The following RABL6 variants were observed in gnomAD, a reference collection of about 807,000 sequenced individuals.
The protein encoded by RABL6 is rab-like protein 6.
A neutral mutation model predicts 72.9 loss-of-function variants in RABL6; 28 were observed. The ratio of observed to expected loss-of-function variants is 0.38; its 90% CI spans 0.28 to 0.53. The LOEUF (loss-of-function observed/expected upper bound fraction) is 0.53. Ranked by LOEUF, RABL6 falls within the 20% of genes least tolerant of loss-of-function variation. The pLI is 0.80. For missense variants in RABL6, 1,029 were observed against 1,008.4 expected (o/e 1.02, Z -0.28); for synonymous variants, 477 against 421.2 (o/e 1.13, Z -1.62).
chr9:136,809,096 T>C (rs1371969759), intron 1 of RABL6: 1 of 152,324 alleles, frequency 6.6e-6, no homozygotes, highest in Non-Finnish European at 1.5e-5. Context: ...GTTTTGACAT[T>C]GCTTCCCTCT....
chr9:136,840,215 ACTGGCTACTCCCCTTC>A lies in RABL6; in HGVS notation c.1989+9_1989+24del. 6.2e-7 allele frequency: 1 copy of A among 1,612,836 alleles called. No individual in the cohort carries two copies. Among genetic ancestry groups the A allele is most frequent in the Non-Finnish European group, 8.5e-7 (1 of 1,179,836 alleles). ...AGAAGAAGAAAAAAGGCAAAGAGGTACTGGCTACTCCCCTTCCTGGCAGGCCAGGACTGGGTGGCAT... is the reference window on the plus strand; with the variant it reads ...AGAAGAAGAAAAAAGGCAAAGAGGTACTGGCAGGCCAGGACTGGGTGGCAT... On this transcript the variant is annotated splice_donor_5th_base_variant and intron_variant, in intron 14 of 14. Coordinates refer to ENST00000311502, the MANE Select transcript of RABL6 (RefSeq NM_024718.5).
At chr9:136,828,739 A>G (rs1848410226) in intron 4 of RABL6, among the ~76,000 whole-genome samples, 193 bp downstream of exon 4, 1 of 151,754 alleles carries the variant, frequency 6.6e-6, no homozygotes, top group African/African-American at 2.4e-5. Context: ...GCTCACCTGC[A>G]CTCGACAGAC....
intron 8 of RABL6, chr9:136,837,065 C>T (rs745615358): frequency 7.8e-5 from 44 of 563,544 alleles, no homozygotes; most frequent in African/African-American, 1.1e-4. Flanking sequence ...TTAGTAGAGA[C>T]GGGGTTTCAC....
At chr9:136,834,321 A>T in intron 7 of RABL6, 1 of 1,015,554 alleles carries the variant, frequency 9.8e-7, no homozygotes, top group Non-Finnish European at 1.2e-6. Context: ...AAATTGAAAA[A>T]ATAAAATTCC....
Position 136,808,150 on chromosome 9 carries a change from C to G in RABL6, c.-47C>G, listed in dbSNP as rs1847907614. On this transcript the variant is annotated 5_prime_UTR_variant, in exon 1 of 15. Coordinates refer to ENST00000311502, the MANE Select transcript of RABL6 (RefSeq NM_024718.5). ...GCCAGTCGCACCCCTTCCCCGCCGC[C>G]GCTGAGCTCGCCGGCCGCGCCCGGG... 5 of 1,468,542 alleles carry G rather than the reference C, an allele frequency of 3.4e-6. No homozygotes were observed. The East Asian group carries it at 1.6e-4, about 46-fold the overall frequency. 91.0% of individuals were successfully genotyped at this position (1,468,542 alleles called of 1,614,324 possible).
intron 13 of RABL6, 139 bp from the exon 14 acceptor site, chr9:136,840,015 G>A: frequency 1.4e-6 from 2 of 1,478,026 alleles, no homozygotes; most frequent in Non-Finnish European, 9.3e-7. Flanking sequence ...GCTGATGTTT[G>A]CAGTGTGGTC....
At chr9:136,816,355 T>G (rs1484998197) in intron 1 of RABL6, among the ~76,000 whole-genome samples, 1 of 151,724 alleles carries the variant, frequency 6.6e-6, no homozygotes, top group Non-Finnish European at 1.5e-5. Context: ...TCCATCTGCC[T>G]TGGCCTCCCA....
At chr9:136,813,501 C>T (rs1201269851) in intron 1 of RABL6, 13 of 453,346 alleles carry the variant, frequency 2.9e-5, no homozygotes, top group Non-Finnish European at 4.8e-5. Flanking sequence ...CATCTCTGTT[C>T]CCTGCGTTTC....
At chr9:136,821,558 T>G (rs1041362922) in intron 1 of RABL6, 10 of 984,980 alleles carry the variant, frequency 1.0e-5, no homozygotes, top group African/African-American at 8.8e-5. Context: ...GCTGCTCATC[T>G]GGGGGGGACG....
intron 7 of RABL6, chr9:136,833,737 C>T (rs1323583599): frequency 6.4e-7 from 1 of 1,550,434 alleles, no homozygotes; most frequent in East Asian, 2.4e-5. Flanking sequence ...TCAGGCTTGC[C>T]CAGGAAAGGG....
intron 5 of RABL6, 145 bp downstream of exon 5, chr9:136,829,629 C>A: frequency 1.3e-6 from 1 of 759,596 alleles, no homozygotes; most frequent in Non-Finnish European, 2.2e-6. Flanking sequence ...GGCAGCTCAG[C>A]CACAAGGGGC....
At chr9:136,812,254 C>T (rs1001757360) in intron 1 of RABL6, among the ~76,000 whole-genome samples, 4 of 151,972 alleles carry the variant, frequency 2.6e-5, no homozygotes, top group African/African-American at 9.7e-5. Context: ...GACACTGGTG[C>T]GAATTTAGAA....
Position 136,832,534 on chromosome 9 carries a change from C to G in RABL6, c.705+164C>G, listed in dbSNP as rs903522627. 1.1e-4 allele frequency: 78 copies of G among 726,470 alleles called. No individual in the cohort carries two copies. The East Asian group carries it at 2.1e-3, about 19-fold the overall frequency. 45.0% of individuals were successfully genotyped at this position (726,470 alleles called of 1,614,324 possible). On this transcript the variant is annotated intron_variant, in intron 7 of 14. Coordinates refer to ENST00000311502, the MANE Select transcript of RABL6 (RefSeq NM_024718.5). ...CAGCGTTCTACTGCACCTGCCTGCT[C>G]TGGGTGGCAGAGGGTACAGGGTCCT...
intron 1 of RABL6, among the ~76,000 whole-genome samples, chr9:136,816,724 A>AG (rs1212586246): frequency 0.038 from 4,298 of 113,020 alleles, 88 homozygotes; most frequent in East Asian, 0.12. Flanking sequence ...CTCAAAAAAA[A>AG]GGGGGGGGGG....
At chr9:136,813,177 C>A in intron 1 of RABL6, 1 of 483,778 alleles carries the variant, frequency 2.1e-6, no homozygotes, top group African/African-American at 2.0e-5. Context: ...CTCCTGGCAT[C>A]AGGTGGTCCT....
rs1588340167 is a variant in RABL6, at chr9:136,808,131, C to A, written c.-66C>A. 13 of 1,441,074 alleles carry A rather than the reference C, an allele frequency of 9.0e-6. No individual in the cohort carries two copies. In the East Asian group the frequency reaches 2.0e-4, roughly 22 times the overall value. The allele number at this position is 1,441,074 out of a possible 1,614,324, so 89.3% of individuals were successfully genotyped here. ...GGGGCCGCCGGGACATGGTGCCAGT[C>A]GCACCCCTTCCCCGCCGCCGCTGAG... On this transcript the variant is annotated 5_prime_UTR_variant, in exon 1 of 15. Transcript: ENST00000311502.
At chr9:136,833,804 T>C in intron 7 of RABL6, 1 of 1,550,538 alleles carries the variant, frequency 6.4e-7, no homozygotes, top group Non-Finnish European at 8.7e-7. Context: ...CTGGGACTGC[T>C]GCTGGGGACG....
chr9:136,819,371 A>G (rs531491028), intron 1 of RABL6, among the ~76,000 whole-genome samples: 1 of 152,228 alleles, frequency 6.6e-6, no homozygotes, highest in South Asian at 2.1e-4. Context: ...GCTTTAATCA[A>G]AGGCATAGAA....
In RABL6 at chr9:136,840,420, G is replaced by A. The variant is rs774786122; in HGVS notation, c.2088G>A (p.Pro696=). 2.1e-5 allele frequency: 33 copies of A among 1,549,842 alleles called. 1 individual carries two copies. Among genetic ancestry groups the A allele is most frequent in the Middle Eastern group, 3.4e-4 (2 of 5,964 alleles). ...GGCGACGGCGGCAGCAGCGGCCCCC[G>A]CGCAGCAGGGAGAGGACGGCTGCCG... ...EERRRRQQRP[P]RSRERTAADE... The change falls in exon 15 of 15, where the codon CCG becomes CCA. Residue 696 remains proline (P), a synonymous_variant. Transcript: ENST00000311502.
Sources: allele counts gnomAD v4.1 joint callset (sites outside exome capture counted in the v4.1 genomes callset), GRCh38; gene constraint gnomAD v4.1.1; transcripts MANE v1.5; gene names NCBI Gene and HGNC (gene_info 2026-07-23, HGNC 2026-07-21).